Variants in PMFBP1 observed in about 807,000 individuals in gnomAD.
PMFBP1 encodes polyamine modulated factor 1 binding protein 1, also known as polyamine-modulated factor 1-binding protein 1.
Under a neutral mutation model 137.8 loss-of-function variants are expected in PMFBP1, and 131 were observed. The ratio of observed to expected loss-of-function variants is 0.95; its 90% CI spans 0.82 to 1.10. The LOEUF (loss-of-function observed/expected upper bound fraction) is 1.10. PMFBP1 is among the 50% of genes least tolerant of loss of function. PMFBP1 has a pLI of 0.00. For missense variants in PMFBP1, 1,199 were observed against 1,175.4 expected, an observed-to-expected ratio of 1.02 and a Z score of -0.29; for synonymous variants, 490 against 450.4, an observed-to-expected ratio of 1.09 and a Z score of -1.11.
At chr16:72,195,556 A>T in the PMFBP1 span, among the ~76,000 whole-genome samples, 1 of 152,084 alleles carries the variant, frequency 6.6e-6, no homozygotes, top group African/African-American at 2.4e-5. Flanking sequence ...ACACTCTTTT[A>T]TGTTACTTTA....
In PMFBP1 at chr16:72,161,418, C is replaced by T. The variant is rs556679147; in HGVS notation, c.165+3346G>A. Among the ~76,000 whole-genome samples the T allele has an allele frequency of 3.3e-3, 498 of 152,176 alleles. 1 individual carries two copies. Among genetic ancestry groups the T allele is most frequent in the Middle Eastern group, 0.01 (3 of 294 alleles). ...CGGCCTTATCTGTTATTTCTTATGT[C>T]TTCTACAAATTGCATGTCTTGTACT... On this transcript the variant is annotated intron_variant, in intron 3 of 20. Transcript: ENST00000237353.
chr16:72,188,201 A>G, the PMFBP1 span, among the ~76,000 whole-genome samples: 4 of 152,272 alleles, frequency 2.6e-5, no homozygotes, highest in Non-Finnish European at 5.9e-5. Flanking sequence ...ACTAGTTGAA[A>G]GGAGCAAAAG....
chr16:72,208,475 A>G, the PMFBP1 span, among the ~76,000 whole-genome samples: 1 of 152,252 alleles, frequency 6.6e-6, no homozygotes. Context: ...AGCTTATTAA[A>G]TTGAATATAT....
intron 10 of PMFBP1, among the ~76,000 whole-genome samples, chr16:72,132,446 T>G (rs559998063): frequency 5.3e-5 from 8 of 152,198 alleles, no homozygotes; most frequent in African/African-American, 1.9e-4. Context: ...GAGAGGATTG[T>G]GGTGCAAAGG....
At chr16:72,171,154 T>C (rs772252126) in intron 2 of PMFBP1, 43 bp downstream of exon 2, 12 of 1,602,108 alleles carry the variant, frequency 7.5e-6, no homozygotes, top group Middle Eastern at 1.7e-4. Context: ...TCCCTTGTAA[T>C]GAATATTCAA....
At chr16:72,235,426 T>A in the PMFBP1 span, among the ~76,000 whole-genome samples, 3 of 152,142 alleles carry the variant, frequency 2.0e-5, no homozygotes, top group South Asian at 6.2e-4. Context: ...TATAACTTTG[T>A]AGTAGTTTGG....
chr16:72,242,886 G>T, the PMFBP1 span, among the ~76,000 whole-genome samples: 1 of 152,182 alleles, frequency 6.6e-6, no homozygotes. Context: ...GCAAAGGGGA[G>T]GAGGGAACTG....
chr16:72,192,327 C>T, the PMFBP1 span, among the ~76,000 whole-genome samples: 1 of 152,034 alleles, frequency 6.6e-6, no homozygotes, highest in Non-Finnish European at 1.5e-5. Context: ...ACCTAATGGT[C>T]CCAATTCAAC....
At chr16:72,159,917 G>GT (rs1019122332) in intron 3 of PMFBP1, among the ~76,000 whole-genome samples, 79 of 152,098 alleles carry the variant, frequency 5.2e-4, no homozygotes, top group African/African-American at 1.7e-3. Context: ...TTTTACAGAG[G>GT]TAAGACTAGT....
rs755179217 is a variant in PMFBP1, at chr16:72,125,260, A to G, written c.2399T>C (p.Phe800Ser). ...LNTELRKLRG[F>S]HQESELEVHA... Reference sequence around the variant, plus strand: ...CACCTCCAGCTCACTCTCCTGGTGGAAGCCCCGCAGTTTTCTTAATTCCGT... The same window carrying G: ...CACCTCCAGCTCACTCTCCTGGTGGGAGCCCCGCAGTTTTCTTAATTCCGT... The change falls in exon 16 of 21, where the codon TTC becomes TCC. Residue 800 changes from phenylalanine to serine, a missense_variant. Physicochemically the swap from Phe to Ser is radical, Grantham distance 155 (BLOSUM62 -2). Transcript: ENST00000237353. 6.2e-7 allele frequency: 1 copy of G among 1,613,856 alleles called. No individual in the cohort carries two copies. The highest frequency in any genetic ancestry group is 8.5e-7 in the Non-Finnish European group (1 of 1,179,946).
intron 10 of PMFBP1, among the ~76,000 whole-genome samples, chr16:72,130,943 G>T (rs187095216): frequency 2.0e-4 from 31 of 152,256 alleles, no homozygotes; most frequent in African/African-American, 7.2e-4. Context: ...AAACAAACTG[G>T]TAGAAATTTC....
At chr16:72,139,673 A>C (rs1186979556) in intron 6 of PMFBP1, among the ~76,000 whole-genome samples, 2 of 152,196 alleles carry the variant, frequency 1.3e-5, no homozygotes. Context: ...ATGAGGCAGA[A>C]GAAGGTTCTT....
the PMFBP1 span, among the ~76,000 whole-genome samples, chr16:72,204,190 A>ACTT: frequency 2.1e-5 from 3 of 140,208 alleles, no homozygotes; most frequent in Non-Finnish European, 3.1e-5. Flanking sequence ...ACTCATGCGC[A>ACTT]TTTTTTTTTT....
At chr16:72,239,689 C>A in the PMFBP1 span, among the ~76,000 whole-genome samples, 3 of 151,704 alleles carry the variant, frequency 2.0e-5, no homozygotes, top group Non-Finnish European at 4.4e-5. Context: ...GTCAGGAGAT[C>A]GAGACCATCC....
At chr16:72,144,385 C>T (rs2042772468) in intron 5 of PMFBP1, among the ~76,000 whole-genome samples, 1 of 152,052 alleles carries the variant, frequency 6.6e-6, no homozygotes. Flanking sequence ...AAACAAGCTA[C>T]CAGTTAAAGT....
chr16:72,235,026 G>A, the PMFBP1 span, among the ~76,000 whole-genome samples: 2 of 152,088 alleles, frequency 1.3e-5, no homozygotes, highest in African/African-American at 4.8e-5. Context: ...GTACTTTGAA[G>A]CACAAAAGTT....
chr16:72,122,689 C>T (rs1369035480), intron 19 of PMFBP1, among the ~76,000 whole-genome samples: 1 of 152,200 alleles, frequency 6.6e-6, no homozygotes, highest in Non-Finnish European at 1.5e-5. Context: ...AGCAAAAAGA[C>T]TACTAAACTC....
chr16:72,211,551 T>C, the PMFBP1 span, among the ~76,000 whole-genome samples: 37 of 151,150 alleles, frequency 2.4e-4, no homozygotes, highest in African/African-American at 9.0e-4. Flanking sequence ...GAAACAAAAA[T>C]AGACAAACAG....
At chr16:72,152,072 G>A (rs1210096454) in intron 4 of PMFBP1, among the ~76,000 whole-genome samples, 2 of 152,174 alleles carry the variant, frequency 1.3e-5, no homozygotes, top group East Asian at 1.9e-4. Context: ...ATGGGCTTCC[G>A]GTCCTTCTTT....
Sources: allele counts gnomAD v4.1 joint callset (sites outside exome capture counted in the v4.1 genomes callset), GRCh38; gene constraint gnomAD v4.1.1; transcripts MANE v1.5; gene names NCBI Gene and HGNC (gene_info 2026-07-23, HGNC 2026-07-21).